SLC17A2: variants seen among roughly 807,000 people sequenced by gnomAD.
The protein encoded by SLC17A2 is sodium-dependent phosphate transport protein 3.
SLC17A2 carries 38 observed loss-of-function variants against 52.1 expected under a neutral mutation model. That is an observed-to-expected ratio of 0.73 (90% confidence interval 0.56 to 0.96). The LOEUF (loss-of-function observed/expected upper bound fraction) is 0.96, where lower values mean the gene tolerates loss of function less well. Ranked by LOEUF, SLC17A2 falls within the 40% of genes least tolerant of loss-of-function variation. The pLI, the probability that SLC17A2 is intolerant of heterozygous loss-of-function variation, is 0.00. For synonymous variants in SLC17A2, 226 were observed against 211.9 expected (o/e 1.07, Z -0.58); for missense variants, 508 against 583.9 (o/e 0.87, Z 1.34).
chr6:25,922,123 G>A (rs1000996792), intron 3 of SLC17A2, among the ~76,000 whole-genome samples: 1 of 151,502 alleles, frequency 6.6e-6, no homozygotes, highest in Non-Finnish European at 1.5e-5. Context: ...ATAAAGTAGA[G>A]AGCCAAAGAA....
intron 2 of SLC17A2, among the ~76,000 whole-genome samples, chr6:25,924,481 A>G (rs573426650): frequency 6.6e-6 from 1 of 151,770 alleles, no homozygotes; most frequent in South Asian, 2.1e-4. Flanking sequence ...ATGTGTCACT[A>G]GGTCCTGCCT....
intron 5 of SLC17A2, among the ~76,000 whole-genome samples, chr6:25,920,674 G>C (rs1766517247): frequency 6.6e-6 from 1 of 151,878 alleles, no homozygotes; most frequent in African/African-American, 2.4e-5. Flanking sequence ...TGCTAAGATG[G>C]TGTATATATA....
At chr6:25,927,821 C>T (rs1010498023) in intron 1 of SLC17A2, among the ~76,000 whole-genome samples, 9 of 152,140 alleles carry the variant, frequency 5.9e-5, no homozygotes, top group African/African-American at 2.2e-4. Flanking sequence ...GTTGCTCTGC[C>T]TTAGAAGGCC....
At chr6:25,927,102 CT>C (rs1766795395) in intron 1 of SLC17A2, among the ~76,000 whole-genome samples, 1 of 152,104 alleles carries the variant, frequency 6.6e-6, no homozygotes. Flanking sequence ...TATCAAACCT[CT>C]ATTTTATCAT....
At chr6:25,916,928 A>T in intron 7 of SLC17A2, 41 bp downstream of exon 7, 1 of 1,600,132 alleles carries the variant, frequency 6.2e-7, no homozygotes, top group Non-Finnish European at 8.5e-7. Flanking sequence ...CCTGCCCTAG[A>T]GACCTCTGCA....
intron 1 of SLC17A2, among the ~76,000 whole-genome samples, chr6:25,927,456 C>T (rs540059913): frequency 1.2e-4 from 18 of 152,318 alleles, no homozygotes; most frequent in Non-Finnish European, 1.8e-4. Flanking sequence ...AACTGATTCA[C>T]ACAAGTGCCA....
chr6:25,919,699 CA>C (rs766352177), intron 5 of SLC17A2, among the ~76,000 whole-genome samples: 1,086 of 31,010 alleles, frequency 0.035, 2 homozygotes, highest in African/African-American at 0.08. Flanking sequence ...GACACCGTCT[CA>C]AAAAAAAAAA....
intron 9 of SLC17A2, 27 bp from the exon 10 acceptor site, chr6:25,915,673 G>T: frequency 6.2e-7 from 1 of 1,613,386 alleles, no homozygotes; most frequent in South Asian, 1.1e-5. Flanking sequence ...TGCTGTCAGG[G>T]AACCCTCTGA....
chr6:25,920,355 C>G (rs1360537765), intron 5 of SLC17A2, among the ~76,000 whole-genome samples: 1 of 152,174 alleles, frequency 6.6e-6, no homozygotes, highest in East Asian at 1.9e-4. Flanking sequence ...CATGGAAAGG[C>G]AGTCTAGCAT....
chr6:25,923,142 A>G (rs1213892560), intron 3 of SLC17A2, among the ~76,000 whole-genome samples: 1 of 152,172 alleles, frequency 6.6e-6, no homozygotes, highest in Non-Finnish European at 1.5e-5. Context: ...AGCTGAGATC[A>G]TGCCACTGCA....
chr6:25,928,547 G>A (rs17586553), intron 1 of SLC17A2, among the ~76,000 whole-genome samples: 11,272 of 152,120 alleles, frequency 0.074, 465 homozygotes, highest in Non-Finnish European at 0.095. Context: ...GGTTTCAAAT[G>A]CTACTTTGAT....
At chr6:25,913,744 C>A (rs1766190168) in intron 11 of SLC17A2, among the ~76,000 whole-genome samples, 1 of 151,008 alleles carries the variant, frequency 6.6e-6, no homozygotes, top group Non-Finnish European at 1.5e-5. Context: ...CCTAAAATGG[C>A]ATTGTGGCAT....
chr6:25,918,645 G>A, intron 5 of SLC17A2, 72 bp from the exon 6 acceptor site: 1 of 919,940 alleles, frequency 1.1e-6, no homozygotes, highest in Non-Finnish European at 1.8e-6. Context: ...CCTAAACAAT[G>A]TCCCAACAGT....
intron 6 of SLC17A2, 65 bp downstream of exon 6, chr6:25,918,422 G>A (rs559660030): frequency 3.2e-6 from 3 of 951,998 alleles, no homozygotes; most frequent in African/African-American, 3.2e-5. Flanking sequence ...GAATGTGGGT[G>A]GTGTAGGTGC....
intron 5 of SLC17A2, 115 bp from the exon 6 acceptor site, chr6:25,918,688 G>C (rs1453215201): frequency 9.2e-6 from 6 of 655,708 alleles, no homozygotes; most frequent in African/African-American, 1.8e-5. Context: ...TGGGCAATGA[G>C]AGTATTTATT....
At chr6:25,928,316 A>G (rs569787361) in intron 1 of SLC17A2, among the ~76,000 whole-genome samples, 1 of 152,290 alleles carries the variant, frequency 6.6e-6, no homozygotes, top group South Asian at 2.1e-4. Flanking sequence ...GAGAATTTGT[A>G]TATTTTAAAT....
At chr6:25,922,120 A>G (rs556540882) in intron 3 of SLC17A2, among the ~76,000 whole-genome samples, 38 of 151,890 alleles carry the variant, frequency 2.5e-4, no homozygotes, top group East Asian at 9.6e-4. Flanking sequence ...GCTATAAAGT[A>G]GAGAGCCAAA....
At chr6:25,919,429 C>A (rs182405407) in intron 5 of SLC17A2, among the ~76,000 whole-genome samples, 158 of 151,878 alleles carry the variant, frequency 1.0e-3, no homozygotes, top group Admixed American at 3.6e-3. Context: ...AAGTTTTGGC[C>A]GGGCGCGGTG....
At chr6:25,921,555 T>A (rs1255657755) in intron 3 of SLC17A2, 143 bp from the exon 4 acceptor site, 2 of 605,120 alleles carry the variant, frequency 3.3e-6, no homozygotes, top group African/African-American at 3.7e-5. Context: ...CCTTCCCAAA[T>A]AACCAATTAT....
Sources: gnomAD v4.1 joint callset for allele counts (sites outside exome capture counted in the v4.1 genomes callset) on GRCh38, gnomAD v4.1.1 for gene constraint, MANE v1.5 for transcripts, NCBI Gene and HGNC (gene_info 2026-07-23, HGNC 2026-07-21) for gene names.